QTGAL: variants seen among roughly 807,000 people sequenced by gnomAD.
The protein encoded by QTGAL is queuosine-tRNA galactosyltransferase.
the QTGAL span, chr17:82,946,789 G>C: frequency 4.5e-6 from 5 of 1,122,652 alleles, no homozygotes; most frequent in African/African-American, 7.8e-5. Context: ...AGGACTAACT[G>C]TAAAGAAAAT....
chr17:82,960,428 G>C, the QTGAL span: 3 of 152,260 alleles, frequency 2.0e-5, no homozygotes, highest in African/African-American at 7.2e-5. Context: ...CACGCGGCAG[G>C]CAGGTGGCCG....
the QTGAL span, among the ~76,000 whole-genome samples, chr17:83,047,416 C>T: frequency 6.6e-6 from 1 of 151,856 alleles, no homozygotes; most frequent in Non-Finnish European, 1.5e-5. Context: ...TAAATCCCTA[C>T]CAAAGAATAA....
At chr17:83,009,319 G>C in the QTGAL span, among the ~76,000 whole-genome samples, 1 of 152,118 alleles carries the variant, frequency 6.6e-6, no homozygotes, top group Non-Finnish European at 1.5e-5. Context: ...AGCTACTCAG[G>C]AGGCTGAGGC....
At chr17:83,037,970 G>A in the QTGAL span, among the ~76,000 whole-genome samples, 25 of 152,142 alleles carry the variant, frequency 1.6e-4, no homozygotes, top group Admixed American at 5.2e-4. The surrounding 1 kb of genome is among the most constrained non-coding windows in gnomAD (Gnocchi z 5.2). Context: ...AAACTCACAC[G>A]GCGGCGAGAT....
At chr17:83,025,652 TCCACACACGGACACC>T in the QTGAL span, among the ~76,000 whole-genome samples, 3 of 132,810 alleles carry the variant, frequency 2.3e-5, no homozygotes, top group South Asian at 4.8e-4. Flanking sequence ...CCGCGGAGAG[TCCACACACGGACACC>T]GCGGAGAGTC....
At chr17:82,959,786 T>TCC in the QTGAL span, among the ~76,000 whole-genome samples, 1 of 152,020 alleles carries the variant, frequency 6.6e-6, no homozygotes, top group Admixed American at 6.5e-5. Flanking sequence ...TCCTGGGCTT[T>TCC]CCTAGGGGTC....
At chr17:83,041,293 C>T in the QTGAL span, among the ~76,000 whole-genome samples, 33 of 152,036 alleles carry the variant, frequency 2.2e-4, no homozygotes, top group African/African-American at 7.5e-4. Context: ...GCAAGTACCA[C>T]ACGGAAAGGC....
the QTGAL span, chr17:83,051,652 C>T: frequency 1.6e-5 from 20 of 1,287,442 alleles, no homozygotes; most frequent in South Asian, 3.3e-5. Flanking sequence ...CTGCGAACCC[C>T]GGAGCGAGAG....
chr17:82,961,152 G>C, the QTGAL span: 6 of 1,607,984 alleles, frequency 3.7e-6, no homozygotes, highest in Non-Finnish European at 5.1e-6. Flanking sequence ...TGAGGTGCTC[G>C]TAGAAGAACA....
the QTGAL span, among the ~76,000 whole-genome samples, chr17:83,024,860 C>A: frequency 1.3e-5 from 2 of 152,346 alleles, no homozygotes; most frequent in African/African-American, 4.8e-5. Context: ...GGGTGCAAAG[C>A]GCTCCAACTC....
chr17:82,963,076 A>G, the QTGAL span, among the ~76,000 whole-genome samples: 1 of 152,204 alleles, frequency 6.6e-6, no homozygotes. Flanking sequence ...GAAAGGCATC[A>G]GGGAAGAAGC....
chr17:83,009,670 G>C, the QTGAL span, among the ~76,000 whole-genome samples: 3 of 152,266 alleles, frequency 2.0e-5, no homozygotes, highest in Admixed American at 2.0e-4. Context: ...GGAGGGTCAA[G>C]CGTGTCTGGG....
At chr17:82,988,738 A>G in the QTGAL span, among the ~76,000 whole-genome samples, 1 of 152,248 alleles carries the variant, frequency 6.6e-6, no homozygotes, top group Non-Finnish European at 1.5e-5. Flanking sequence ...GGCAGCAACA[A>G]ACATATGATA....
At chr17:83,028,128 C>T in the QTGAL span, among the ~76,000 whole-genome samples, 1 of 151,800 alleles carries the variant, frequency 6.6e-6, no homozygotes, top group South Asian at 2.1e-4. Context: ...ACGACCTGCA[C>T]GCTCCCGGCT....
the QTGAL span, chr17:82,943,990 G>A: frequency 6.6e-6 from 1 of 152,176 alleles, no homozygotes; most frequent in Non-Finnish European, 1.5e-5. Flanking sequence ...TGCTGGGTGT[G>A]GAACAGGCGC....
the QTGAL span, among the ~76,000 whole-genome samples, chr17:82,992,962 C>A: frequency 6.6e-6 from 1 of 151,896 alleles, no homozygotes; most frequent in Non-Finnish European, 1.5e-5. Context: ...AAAAAATATA[C>A]AATGAATACA....
chr17:82,987,806 G>A, the QTGAL span, among the ~76,000 whole-genome samples: 1 of 152,116 alleles, frequency 6.6e-6, no homozygotes, highest in Non-Finnish European at 1.5e-5. Flanking sequence ...AATTCTGTGA[G>A]GAATGTCAAT....
the QTGAL span, chr17:83,035,077 T>C: frequency 1.2e-6 from 2 of 1,612,886 alleles, no homozygotes; most frequent in Non-Finnish European, 1.7e-6. Flanking sequence ...TCTGGGCAAC[T>C]GCTTGATTTT....
At chr17:82,961,106 G>A in the QTGAL span, 9 of 1,610,600 alleles carry the variant, frequency 5.6e-6, no homozygotes, top group Non-Finnish European at 6.8e-6. Flanking sequence ...TACAGCAGGA[G>A]ACTCTGGTCC....
Sources: allele counts gnomAD v4.1 joint callset (sites outside exome capture counted in the v4.1 genomes callset), GRCh38; gene constraint gnomAD v4.1.1; non-coding constraint Gnocchi (gnomAD v3.1); transcripts MANE v1.5; gene names NCBI Gene and HGNC (gene_info 2026-07-23, HGNC 2026-07-21).